The following TTC39B variants were observed in gnomAD, a reference collection of about 807,000 sequenced individuals.
TTC39B encodes the protein tetratricopeptide repeat protein 39B.
A neutral mutation model predicts 96.6 loss-of-function variants in TTC39B; 92 were observed. The observed-to-expected ratio is 0.95, with a 90% CI of 0.80 to 1.13. The LOEUF (loss-of-function observed/expected upper bound fraction) is 1.13, where lower values mean the gene tolerates loss of function less well. Ranked by LOEUF, TTC39B falls within the 50% of genes most tolerant of loss-of-function variation. The pLI is 0.00. For synonymous variants in TTC39B, 367 were observed against 299.4 expected (o/e 1.23, Z -2.33); for missense variants, 955 against 809.3 (o/e 1.18, Z -2.18).
At chr9:15,259,401 G>C (rs1822867385) in intron 2 of TTC39B, among the ~76,000 whole-genome samples, 1 of 152,080 alleles carries the variant, frequency 6.6e-6, no homozygotes, top group South Asian at 2.1e-4. Flanking sequence ...ATTCTAAAGG[G>C]CATTAAAAAG....
At chr9:15,267,135 CA>C (rs1823165724) in intron 2 of TTC39B, among the ~76,000 whole-genome samples, 1 of 152,186 alleles carries the variant, frequency 6.6e-6, no homozygotes, top group African/African-American at 2.4e-5. Flanking sequence ...TGTAAGAACA[CA>C]ACAAGGAGGC....
chr9:15,275,694 G>A (rs1823517354), intron 1 of TTC39B, among the ~76,000 whole-genome samples: 2 of 152,108 alleles, frequency 1.3e-5, no homozygotes, highest in African/African-American at 4.8e-5. Context: ...AAGGAATTAG[G>A]CAGGTGGAAA....
chr9:15,301,565 A>C (rs1000986648), intron 1 of TTC39B, among the ~76,000 whole-genome samples: 2 of 151,668 alleles, frequency 1.3e-5, no homozygotes, highest in Non-Finnish European at 2.9e-5. Context: ...GACCAGCCTG[A>C]CCAACATGGA....
chr9:15,210,806 T>C (rs543416367), intron 5 of TTC39B, among the ~76,000 whole-genome samples: 3 of 148,468 alleles, frequency 2.0e-5, no homozygotes, highest in African/African-American at 7.9e-5. Context: ...AAAATTTTGA[T>C]AGGGTCTTCC....
chr9:15,189,419 T>TA (rs1331792665), intron 13 of TTC39B, among the ~76,000 whole-genome samples, 155 bp downstream of exon 13: 1 of 151,306 alleles, frequency 6.6e-6, no homozygotes, highest in Non-Finnish European at 1.5e-5. Context: ...ATATACAAGT[T>TA]AAAAGTTTTG....
chr9:15,244,647 C>T (rs928497906), intron 2 of TTC39B, among the ~76,000 whole-genome samples: 11 of 152,192 alleles, frequency 7.2e-5, no homozygotes, highest in African/African-American at 2.7e-4. Flanking sequence ...CAAGAACTTC[C>T]CATTAGACAG....
At chr9:15,187,658 C>T (rs1818606482) in intron 14 of TTC39B, among the ~76,000 whole-genome samples, 1 of 152,198 alleles carries the variant, frequency 6.6e-6, no homozygotes, top group Non-Finnish European at 1.5e-5. Flanking sequence ...TAAAATCACA[C>T]CATGTTGCCC....
At chr9:15,248,841 C>G (rs553744206) in intron 2 of TTC39B, among the ~76,000 whole-genome samples, 13 of 152,172 alleles carry the variant, frequency 8.5e-5, no homozygotes, top group African/African-American at 3.1e-4. Context: ...GGAAGTCAAC[C>G]AAAATACTGG....
intron 1 of TTC39B, among the ~76,000 whole-genome samples, chr9:15,268,303 T>A (rs1353230866): frequency 1.3e-5 from 2 of 152,138 alleles, no homozygotes; most frequent in Admixed American, 6.5e-5. Context: ...CCCGATGTAG[T>A]CTTTTCTTTC....
rs373308792 is a variant in TTC39B, at chr9:15,244,762, T to C, written c.276-18750A>G. 3.9e-5 allele frequency among the ~76,000 whole-genome samples: 6 copies of C among 152,308 alleles called. No homozygotes were observed. The South Asian group carries it at 6.2e-4, about 16-fold the overall frequency. On this transcript the variant is annotated intron_variant, in intron 2 of 19. Coordinates refer to ENST00000512701, the Ensembl canonical transcript of TTC39B. ...GCCATTTGCATTGCATCGCTCCACGTTGGAATGCAGATATTTTCAGATGTA... is the reference window on the plus strand; with the variant it reads ...GCCATTTGCATTGCATCGCTCCACGCTGGAATGCAGATATTTTCAGATGTA...
chr9:15,234,495 C>T (rs527802678), intron 2 of TTC39B, among the ~76,000 whole-genome samples: 2 of 138,582 alleles, frequency 1.4e-5, no homozygotes, highest in African/African-American at 2.6e-5. Flanking sequence ...AGTGAGGAGC[C>T]CCTCTGCCTG....
At chr9:15,231,555 T>C (rs952753867) in intron 2 of TTC39B, among the ~76,000 whole-genome samples, 2 of 152,260 alleles carry the variant, frequency 1.3e-5, no homozygotes, top group Non-Finnish European at 2.9e-5. Context: ...TACTTATCTT[T>C]TTATTATTCA....
At chr9:15,173,795 A>C (rs1370133586) in intron 19 of TTC39B, among the ~76,000 whole-genome samples, 1 of 152,170 alleles carries the variant, frequency 6.6e-6, no homozygotes, top group African/African-American at 2.4e-5. Flanking sequence ...CATGCTAAGT[A>C]TGAACGCCAA....
chr9:15,200,888 A>G (rs1435051804), intron 7 of TTC39B, among the ~76,000 whole-genome samples: 1 of 152,138 alleles, frequency 6.6e-6, no homozygotes, highest in Non-Finnish European at 1.5e-5. Context: ...AGTCGCAGCT[A>G]CTCAGGAGGC....
exon 20 of TTC39B, chr9:15,163,808 T>A (rs115082395): frequency 6.6e-6 from 1 of 152,208 alleles, no homozygotes; most frequent in Non-Finnish European, 1.5e-5. Context: ...GATGATTTAT[T>A]TGCACTTAAA....
At position 15,175,153 on chromosome 9, in the gene TTC39B, A is replaced by T; in HGVS notation, c.1842-18T>A. On this transcript the variant is annotated intron_variant, in intron 18 of 19. Transcript: ENST00000512701. Reference sequence around the variant, plus strand: ...GCTTTTCACTGAAAGAGCAGAGGAAAATCAAGTAAATCTTAACAGAACAAG... The same window carrying T: ...GCTTTTCACTGAAAGAGCAGAGGAATATCAAGTAAATCTTAACAGAACAAG... The T allele has an allele frequency of 3.3e-6, 5 of 1,505,802 alleles. No individual in the cohort carries two copies. The highest frequency in any genetic ancestry group is 4.6e-6 in the Non-Finnish European group (5 of 1,083,996). 93.3% of individuals were successfully genotyped at this position (1,505,802 alleles called of 1,614,324 possible).
chr9:15,217,441 C>T (rs1400141921), intron 3 of TTC39B, among the ~76,000 whole-genome samples: 1 of 152,110 alleles, frequency 6.6e-6, no homozygotes, highest in African/African-American at 2.4e-5. Context: ...AGCTCAGCAC[C>T]TCCGAGCACA....
At chr9:15,246,798 C>A (rs989368869) in intron 2 of TTC39B, among the ~76,000 whole-genome samples, 2 of 152,244 alleles carry the variant, frequency 1.3e-5, no homozygotes, top group African/African-American at 4.8e-5. Flanking sequence ...AGCAATGGCT[C>A]CTCCAGCTCC....
intron 7 of TTC39B, 117 bp downstream of exon 7, chr9:15,203,706 G>T: frequency 1.4e-6 from 1 of 730,848 alleles, no homozygotes. Flanking sequence ...ACAAATATTT[G>T]CCATTACAAC....
Sources: gnomAD v4.1 joint callset for allele counts (sites outside exome capture counted in the v4.1 genomes callset) on GRCh38, gnomAD v4.1.1 for gene constraint, MANE v1.5 for transcripts, NCBI Gene and HGNC (gene_info 2026-07-23, HGNC 2026-07-21) for gene names.